LCORL: variants seen among roughly 807,000 people sequenced by gnomAD.
LCORL encodes ligand dependent nuclear receptor corepressor like.
Under a neutral mutation model 141.8 loss-of-function variants are expected in LCORL, and 41 were observed. The observed-to-expected ratio is 0.29, with a 90% CI of 0.23 to 0.38. The LOEUF (loss-of-function observed/expected upper bound fraction) is 0.38. Among genes scored for constraint, LCORL ranks in the 10% least tolerant of loss-of-function variants. LCORL has a pLI of 1.00. For missense variants in LCORL, 1,759 were observed against 2,035.0 expected (o/e 0.86, Z 2.61); for synonymous variants, 618 against 694.1 (o/e 0.89, Z 1.72).
At chr4:17,932,841 T>C (rs545901099) in intron 4 of LCORL, among the ~76,000 whole-genome samples, 3 of 152,306 alleles carry the variant, frequency 2.0e-5, no homozygotes, top group South Asian at 2.1e-4. Context: ...CAGAAAATGT[T>C]TGCTGACTAC....
At chr4:17,964,969 C>T (rs1338915602) in intron 2 of LCORL, among the ~76,000 whole-genome samples, 1 of 150,578 alleles carries the variant, frequency 6.6e-6, no homozygotes, top group Non-Finnish European at 1.5e-5. Flanking sequence ...TGTACGGTTT[C>T]ATAAAGTTTC....
At chr4:17,857,857 A>G (rs1724540723) in intron 7 of LCORL, among the ~76,000 whole-genome samples, 2 of 152,234 alleles carry the variant, frequency 1.3e-5, no homozygotes, top group Admixed American at 6.5e-5. Context: ...AAGAATCAAG[A>G]TATTTCTCAA....
intron 7 of LCORL, among the ~76,000 whole-genome samples, chr4:17,848,609 G>A (rs1480555815): frequency 5.3e-5 from 8 of 152,266 alleles, no homozygotes; most frequent in Non-Finnish European, 1.0e-4. Flanking sequence ...CGACGCAGAA[G>A]ACGAGTGATT....
intron 2 of LCORL, among the ~76,000 whole-genome samples, chr4:17,971,851 T>C (rs1250970902): frequency 6.6e-6 from 1 of 151,670 alleles, no homozygotes; most frequent in Non-Finnish European, 1.5e-5. Context: ...TTGTACTCAA[T>C]ATTTAAAATT....
intron 1 of LCORL, among the ~76,000 whole-genome samples, chr4:18,010,518 C>T (rs190385771): frequency 1.6e-4 from 25 of 152,030 alleles, no homozygotes; most frequent in South Asian, 1.0e-3. Flanking sequence ...GGCATGATCT[C>T]GGCTCACTGC....
At chr4:17,979,462 T>G (rs922299752) in intron 1 of LCORL, among the ~76,000 whole-genome samples, 1 of 152,240 alleles carries the variant, frequency 6.6e-6, no homozygotes, top group African/African-American at 2.4e-5. Context: ...ATTCTGTTAT[T>G]TTTGAAAACT....
intron 5 of LCORL, among the ~76,000 whole-genome samples, chr4:17,901,556 G>A (rs1730884667): frequency 6.6e-6 from 1 of 152,072 alleles, no homozygotes; most frequent in Admixed American, 6.6e-5. Context: ...AAATGGTTGT[G>A]TTTAAGTTGT....
rs188307460 is a variant in LCORL, at chr4:17,859,144, G to A, written c.5603-13243C>T. ...TTTTGTTTTTCAATGTCAGTATTCC[G>A]TAAGTTACATGAGATAGTCAACATT... On this transcript the variant is annotated intron_variant, in intron 7 of 7. Coordinates refer to ENST00000635767, the Ensembl canonical transcript of LCORL. 8.5e-5 allele frequency among the ~76,000 whole-genome samples: 13 copies of A among 152,186 alleles called. No individual in the cohort carries two copies. The East Asian group carries it at 1.5e-3, about 18-fold the overall frequency.
intron 6 of LCORL, chr4:17,880,880 T>C: frequency 1.5e-5 from 13 of 877,112 alleles, no homozygotes; most frequent in Non-Finnish European, 1.8e-5. Flanking sequence ...AATTGATTTA[T>C]GCATAAATAT....
exon 8 of LCORL, chr4:17,845,865 C>T (rs1359171117): frequency 6.2e-7 from 1 of 1,612,440 alleles, no homozygotes; most frequent in African/African-American, 1.3e-5. Flanking sequence ...TCTCATCAGA[C>T]ACATTCAGTT....
At chr4:17,979,560 T>C (rs757062652) in intron 1 of LCORL, among the ~76,000 whole-genome samples, 4 of 152,250 alleles carry the variant, frequency 2.6e-5, no homozygotes, top group Non-Finnish European at 5.9e-5. Flanking sequence ...AAAATCAGTG[T>C]TAAAAAATTA....
chr4:17,984,300 A>T (rs1718547554), intron 1 of LCORL, among the ~76,000 whole-genome samples: 2 of 152,046 alleles, frequency 1.3e-5, no homozygotes, highest in Non-Finnish European at 2.9e-5. Flanking sequence ...GTTGGGGAGG[A>T]GATCCTCTTC....
At chr4:18,005,665 C>CTGTG (rs1722674249) in intron 1 of LCORL, among the ~76,000 whole-genome samples, 1 of 152,212 alleles carries the variant, frequency 6.6e-6, no homozygotes. Context: ...CTCACAGGCT[C>CTGTG]AACACCAGGT....
chr4:17,912,748 G>T, intron 4 of LCORL: 2 of 414,582 alleles, frequency 4.8e-6, no homozygotes, highest in South Asian at 3.8e-5. Flanking sequence ...AGCTGGCACA[G>T]ACCCGGGCAA....
chr4:18,001,708 T>C (rs528760431), intron 1 of LCORL, among the ~76,000 whole-genome samples: 1 of 152,320 alleles, frequency 6.6e-6, no homozygotes, highest in African/African-American at 2.4e-5. Context: ...TTTGCAAGGT[T>C]ACACAGTTAA....
chr4:17,884,037 C>T lies in LCORL; in HGVS notation c.776+2031G>A. The stretch of plus-strand genomic sequence containing the variant: ...CCATCTTCAGTATTTTCAGAGGTTC[C>T]ATCAACTGTTCCATTTTTAGAATTA... On this transcript the variant is annotated intron_variant, in intron 6 of 7. Coordinates refer to ENST00000635767, the Ensembl canonical transcript of LCORL. The surrounding 1 kb of genome is among the most constrained non-coding windows in gnomAD (Gnocchi z 4.4). 1.3e-6 allele frequency: 2 copies of T among 1,550,718 alleles called. No individual in the cohort carries two copies. Among genetic ancestry groups the T allele is most frequent in the Non-Finnish European group, 8.7e-7 (1 of 1,146,338 alleles).
exon 7 of LCORL, chr4:17,877,294 A>G (rs570720977): frequency 8.1e-6 from 10 of 1,229,424 alleles, no homozygotes; most frequent in Non-Finnish European, 1.0e-5. Context: ...AAATCTCCCA[A>G]TTTTAAATCA....
At chr4:17,882,288 T>C in intron 6 of LCORL, 1 of 984,624 alleles carries the variant, frequency 1.0e-6, no homozygotes, top group Non-Finnish European at 1.2e-6. Flanking sequence ...CTTAGAAAAA[T>C]GATCAGAACC....
Position 17,897,169 on chromosome 4 carries a change from G to C in LCORL, c.683-11008C>G, listed in dbSNP as rs139737949. 1.8e-4 allele frequency among the ~76,000 whole-genome samples: 23 copies of C among 125,998 alleles called. 1 individual carries two copies. The highest frequency in any genetic ancestry group is 2.0e-4 in the African/African-American group (7 of 34,352). The allele number at this position is 125,998 out of a possible 152,430, so 82.7% of individuals were successfully genotyped here. ...AATCTTGGCTATTGTGAATAAAACTGCAATAAACAGGGGAGTTCAGACTTC... is the reference window on the plus strand; with the variant it reads ...AATCTTGGCTATTGTGAATAAAACTCCAATAAACAGGGGAGTTCAGACTTC... On this transcript the variant is annotated intron_variant, in intron 5 of 7. Transcript: ENST00000635767.
Sources: gnomAD v4.1 joint callset for allele counts (sites outside exome capture counted in the v4.1 genomes callset) on GRCh38, gnomAD v4.1.1 for gene constraint, Gnocchi (gnomAD v3.1) non-coding constraint, MANE v1.5 for transcripts, NCBI Gene and HGNC (gene_info 2026-07-23, HGNC 2026-07-21) for gene names.